NCKAP5: variants seen among roughly 807,000 people sequenced by gnomAD.
NCKAP5 encodes the protein nck-associated protein 5.
Under a neutral mutation model 167.0 loss-of-function variants are expected in NCKAP5, and 92 were observed. The observed-to-expected ratio is 0.55, with a 90% CI of 0.47 to 0.66. The LOEUF (loss-of-function observed/expected upper bound fraction) is 0.66. NCKAP5 is among the 30% of genes least tolerant of loss of function. NCKAP5 has a pLI of 0.00. For synonymous variants in NCKAP5, 891 were observed against 877.4 expected, an observed-to-expected ratio of 1.02 and a Z score of -0.27; for missense variants, 2,378 against 2,315.0, an observed-to-expected ratio of 1.03 and a Z score of -0.56.
intron 19 of NCKAP5, among the ~76,000 whole-genome samples, chr2:132,711,243 C>T (rs1226506132): frequency 6.6e-6 from 1 of 152,200 alleles, no homozygotes; most frequent in Non-Finnish European, 1.5e-5. Context: ...CCATTACTGT[C>T]TTGAAGGTAA....
intron 9 of NCKAP5, 29 bp from the exon 10 acceptor site, chr2:132,869,003 T>C (rs1690582689): frequency 1.3e-6 from 2 of 1,498,486 alleles, no homozygotes; most frequent in Admixed American, 4.2e-5. Flanking sequence ...AAGTTGTCAT[T>C]TATAATAATG....
At chr2:133,227,852 A>G (rs13422210) in intron 4 of NCKAP5, among the ~76,000 whole-genome samples, 4,032 of 152,278 alleles carry the variant, frequency 0.026, 188 homozygotes, top group African/African-American at 0.092. Context: ...CTTCAGGTAC[A>G]ATAAGAAAGG....
intron 4 of NCKAP5, among the ~76,000 whole-genome samples, chr2:133,271,624 A>C (rs1288170438): frequency 6.6e-6 from 1 of 152,334 alleles, no homozygotes; most frequent in East Asian, 1.9e-4. Flanking sequence ...GTCAGTGTTC[A>C]TAGAGAATTA....
At chr2:133,226,818 C>T (rs1382194449) in intron 4 of NCKAP5, among the ~76,000 whole-genome samples, 1 of 152,180 alleles carries the variant, frequency 6.6e-6, no homozygotes, top group South Asian at 2.1e-4. Flanking sequence ...TCAAGACGAA[C>T]TTCTGTTGTG....
intron 11 of NCKAP5, among the ~76,000 whole-genome samples, chr2:132,859,704 C>T (rs567667032): frequency 2.6e-5 from 4 of 152,292 alleles, no homozygotes; most frequent in South Asian, 2.1e-4. Context: ...TGTGAAACCT[C>T]GATGCAGTCT....
At chr2:133,318,625 T>C (rs1681789596) in intron 3 of NCKAP5, among the ~76,000 whole-genome samples, 2 of 152,288 alleles carry the variant, frequency 1.3e-5, no homozygotes, top group South Asian at 4.1e-4. Flanking sequence ...TGATGGAATA[T>C]AGCTGTGGCA....
intron 4 of NCKAP5, among the ~76,000 whole-genome samples, chr2:133,218,930 A>T (rs1200032227): frequency 6.6e-6 from 1 of 152,214 alleles, no homozygotes; most frequent in African/African-American, 2.4e-5. Flanking sequence ...CATAGTTTTT[A>T]AAAAGGAAAA....
intron 5 of NCKAP5, among the ~76,000 whole-genome samples, chr2:133,157,874 T>G (rs912080037): frequency 6.6e-6 from 1 of 152,180 alleles, no homozygotes; most frequent in Non-Finnish European, 1.5e-5. Context: ...ATTAAGGTAT[T>G]TTTCCAACTG....
chr2:133,205,316 T>TAGATAGATAGATAGATAGAC (rs1271097592), intron 5 of NCKAP5, among the ~76,000 whole-genome samples: 169 of 152,030 alleles, frequency 1.1e-3, no homozygotes, highest in African/African-American at 1.9e-3. Context: ...GATAGATAGA[T>TAGATAGATAGATAGATAGAC]AGACAGACAG....
At chr2:133,092,894 GA>G (rs1370851844) in intron 6 of NCKAP5, among the ~76,000 whole-genome samples, 1 of 152,168 alleles carries the variant, frequency 6.6e-6, no homozygotes, top group Admixed American at 6.5e-5. Flanking sequence ...TTCAATTGTA[GA>G]AAAAGACTGC....
chr2:133,330,065 T>TC (rs1256423246), intron 3 of NCKAP5, among the ~76,000 whole-genome samples: 2 of 121,722 alleles, frequency 1.6e-5, no homozygotes, highest in East Asian at 2.2e-4. Context: ...TTTTTTTTTT[T>TC]TTTTTTTTTT....
intron 6 of NCKAP5, among the ~76,000 whole-genome samples, chr2:133,028,716 C>T (rs570060623): frequency 1.1e-4 from 17 of 152,232 alleles, no homozygotes; most frequent in African/African-American, 3.9e-4. Context: ...ATATGTGTCC[C>T]TACCCAAATC....
chr2:132,803,648 T>A (rs1685206796), intron 11 of NCKAP5, among the ~76,000 whole-genome samples: 1 of 152,164 alleles, frequency 6.6e-6, no homozygotes, highest in Non-Finnish European at 1.5e-5. Context: ...CCATTAACAG[T>A]GCCCCAAGGC....
intron 11 of NCKAP5, among the ~76,000 whole-genome samples, chr2:132,812,338 T>C (rs2105273094): frequency 6.6e-6 from 1 of 152,360 alleles, no homozygotes; most frequent in Middle Eastern, 3.4e-3. Context: ...TTATGGTCAC[T>C]TTATGAGGTA....
intron 6 of NCKAP5, among the ~76,000 whole-genome samples, chr2:133,126,751 G>GT (rs201405342): frequency 4.2e-4 from 64 of 151,680 alleles, no homozygotes; most frequent in East Asian, 1.4e-3. Context: ...CATATTACTT[G>GT]TTTCTTTTTT....
chr2:132,902,339 A>T (rs1289671134), intron 8 of NCKAP5, among the ~76,000 whole-genome samples: 1 of 152,218 alleles, frequency 6.6e-6, no homozygotes, highest in East Asian at 1.9e-4. Context: ...TTAAAACTCA[A>T]CTAGCAACAC....
intron 16 of NCKAP5, 53 bp downstream of exon 16, chr2:132,773,763 G>T: frequency 7.3e-7 from 1 of 1,370,582 alleles, no homozygotes; most frequent in South Asian, 1.2e-5. Context: ...CTGGAAGAAG[G>T]ATACATTTAG....
chr2:132,754,033 G>T (rs930734495), intron 16 of NCKAP5, among the ~76,000 whole-genome samples: 24 of 152,352 alleles, frequency 1.6e-4, no homozygotes, highest in Admixed American at 5.2e-4. Flanking sequence ...CTAAGCTAAA[G>T]TTGTAGCCAG....
chr2:133,030,342 G>C (rs1439380048), intron 6 of NCKAP5, among the ~76,000 whole-genome samples: 2 of 152,308 alleles, frequency 1.3e-5, no homozygotes, highest in African/African-American at 2.4e-5. Flanking sequence ...GCAAGTTGAG[G>C]GACAGGCCAA....
Sources: gnomAD v4.1 joint callset for allele counts (sites outside exome capture counted in the v4.1 genomes callset) on GRCh38, gnomAD v4.1.1 for gene constraint, MANE v1.5 for transcripts, NCBI Gene and HGNC (gene_info 2026-07-23, HGNC 2026-07-21) for gene names.